The following LRBA variants were observed in gnomAD, a reference collection of about 807,000 sequenced individuals.
LRBA encodes LPS responsive beige-like anchor protein, also known as lipopolysaccharide-responsive and beige-like anchor protein.
In LRBA, 176 loss-of-function variants were observed where a neutral mutation model predicts 330.0. That is an observed-to-expected ratio of 0.53 (90% CI 0.47 to 0.60). The LOEUF is 0.60. LRBA is among the 20% of genes least tolerant of loss of function. LRBA has a pLI of 0.00. For missense variants in LRBA, 3,259 were observed against 3,444.8 expected, an observed-to-expected ratio of 0.95 and a Z score of 1.35; for synonymous variants, 1,230 against 1,193.0, an observed-to-expected ratio of 1.03 and a Z score of -0.64.
At chr4:150,700,666 G>GT (rs1259371734) in intron 36 of LRBA, among the ~76,000 whole-genome samples, 2 of 151,566 alleles carry the variant, frequency 1.3e-5, no homozygotes, top group Non-Finnish European at 2.9e-5. Context: ...TTTTAAAATT[G>GT]TTTAACTCTT....
At chr4:150,301,468 C>T (rs759420944) in intron 53 of LRBA, among the ~76,000 whole-genome samples, 5 of 151,918 alleles carry the variant, frequency 3.3e-5, no homozygotes, top group South Asian at 4.2e-4. Context: ...ATCTATTAGA[C>T]GTTCATTGAA....
chr4:150,382,281 T>A (rs373583134), intron 47 of LRBA, among the ~76,000 whole-genome samples: 2 of 152,114 alleles, frequency 1.3e-5, no homozygotes, highest in East Asian at 3.9e-4. Context: ...AGCCTTGCAG[T>A]CTTGTTTTGT....
At chr4:150,435,211 C>T (rs1032460649) in intron 46 of LRBA, among the ~76,000 whole-genome samples, 12 of 152,036 alleles carry the variant, frequency 7.9e-5, no homozygotes, top group African/African-American at 2.2e-4. Flanking sequence ...ACTAGCCAGG[C>T]GTTGTGGCAG....
chr4:150,553,016 C>T (rs1466842700), intron 40 of LRBA, among the ~76,000 whole-genome samples: 1 of 151,360 alleles, frequency 6.6e-6, no homozygotes, highest in South Asian at 2.1e-4. Flanking sequence ...TTGCAGTGAG[C>T]CGAGATCATG....
At chr4:150,490,417 C>T (rs573759003) in intron 41 of LRBA, among the ~76,000 whole-genome samples, 27 of 151,912 alleles carry the variant, frequency 1.8e-4, no homozygotes, top group African/African-American at 6.0e-4. Flanking sequence ...CGTAAAACTG[C>T]AAATTAAATT....
intron 34 of LRBA, among the ~76,000 whole-genome samples, chr4:150,767,002 A>C (rs1165850088): frequency 6.6e-6 from 1 of 152,142 alleles, no homozygotes; most frequent in Non-Finnish European, 1.5e-5. Flanking sequence ...CACACAACAA[A>C]AACAGTGAAG....
rs550610523 is a variant in LRBA, at chr4:150,459,257, C to CT, written c.6780+8415dup. Among the ~76,000 whole-genome samples, 56 of 151,958 alleles carry CT rather than the reference C, an allele frequency of 3.7e-4. No homozygotes were observed. The East Asian group carries it at 0.01, about 27-fold the overall frequency. On this transcript the variant is annotated intron_variant, in intron 44 of 56. Transcript: ENST00000651943. ...TTTCCATCCTTTACCTTAAACCCTC[C>CT]TTCTGGTGTGCTTGGTGTTCTCATA...
chr4:150,272,778 C>A (rs372248751), intron 56 of LRBA, among the ~76,000 whole-genome samples: 20 of 151,820 alleles, frequency 1.3e-4, no homozygotes, highest in African/African-American at 4.4e-4. Flanking sequence ...TGAAAAGGAA[C>A]AAACAAAGCC....
chr4:150,979,310 A>T (rs1460591276), intron 2 of LRBA, among the ~76,000 whole-genome samples: 2 of 152,204 alleles, frequency 1.3e-5, no homozygotes, highest in African/African-American at 2.4e-5. Flanking sequence ...TTCAAACATG[A>T]AGAAGAAATT....
chr4:150,402,125 C>G (rs1017796454), intron 47 of LRBA, among the ~76,000 whole-genome samples: 1 of 120,932 alleles, frequency 8.3e-6, no homozygotes, highest in African/African-American at 3.4e-5. Flanking sequence ...GCCATCTCTA[C>G]TAAAAAAAAA....
In LRBA at chr4:150,928,406, T is replaced by C. The variant is rs1734106993; in HGVS notation, c.549+110A>G. The C allele has an allele frequency of 2.2e-5, 15 of 674,036 alleles. No individual in the cohort carries two copies. In the South Asian group the frequency reaches 3.1e-4, roughly 14 times the overall value. The allele number at this position is 674,036 out of a possible 1,614,324, so 41.8% of individuals were successfully genotyped here. A position where few individuals can be genotyped will look rare whatever the true frequency, so the allele number is the denominator to read the frequency against. On this transcript the variant is annotated intron_variant, in intron 4 of 56. Transcript: ENST00000651943. ...TCTCAATGCTATTTTAATTAATCTATTCAATTTGACAATTATCCCATGTAT... is the reference window on the plus strand; with the variant it reads ...TCTCAATGCTATTTTAATTAATCTACTCAATTTGACAATTATCCCATGTAT...
chr4:150,683,686 C>G lies in LRBA; in HGVS notation c.5786G>C (p.Arg1929Pro), dbSNP rs747575946. 2.5e-6 allele frequency: 4 copies of G among 1,612,886 alleles called. No individual in the cohort carries two copies. Among genetic ancestry groups the G allele is most frequent in the Non-Finnish European group, 3.4e-6 (4 of 1,179,410 alleles). ...SLCAQYSADK[R>P]EDEKMCDHLI... is the part of the protein sequence containing the mutation. ...ATGATCACACATCTTCTCATCTTCT[C>G]GTTTGTCTGCAGAATACTGGGCACA... The change falls in exon 37 of 57, where the codon CGA becomes CCA. Residue 1929 changes from arginine (R) to proline (P), a missense_variant. Arg to Pro is a moderately radical substitution (Grantham distance 103). Transcript: ENST00000651943.
intron 30 of LRBA, among the ~76,000 whole-genome samples, 177 bp downstream of exon 30, chr4:150,828,003 A>T (rs542551068): frequency 5.9e-5 from 9 of 152,282 alleles, no homozygotes; most frequent in Non-Finnish European, 1.0e-4. Context: ...GTGTGAATCA[A>T]CTGTTTATGT....
At chr4:150,929,133 A>G (rs1734194896) in intron 2 of LRBA, 68 bp from the exon 3 acceptor site, 5 of 947,250 alleles carry the variant, frequency 5.3e-6, no homozygotes, top group African/African-American at 3.3e-5. Context: ...GCATGTTCCT[A>G]AACATTAGAT....
At chr4:151,000,290 T>C (rs1743188035) in intron 2 of LRBA, among the ~76,000 whole-genome samples, 1 of 152,190 alleles carries the variant, frequency 6.6e-6, no homozygotes, top group African/African-American at 2.4e-5. Context: ...GTGCATCAAG[T>C]CAAGGAGCAT....
At chr4:150,355,996 T>C (rs1463959) in intron 47 of LRBA, among the ~76,000 whole-genome samples, 147,038 of 152,166 alleles carry the variant, frequency 0.97, 71,136 homozygotes, top group Non-Finnish European at 0.99. Context: ...TTTGCATGTG[T>C]TGGATTTCAA....
intron 50 of LRBA, among the ~76,000 whole-genome samples, chr4:150,319,541 G>A (rs556520774): frequency 6.6e-6 from 1 of 152,052 alleles, no homozygotes; most frequent in Non-Finnish European, 1.5e-5. Flanking sequence ...ATATAAGTAT[G>A]TTATTTTCAT....
chr4:150,790,494 T>C (rs530038649), intron 34 of LRBA, among the ~76,000 whole-genome samples: 1 of 152,366 alleles, frequency 6.6e-6, no homozygotes, highest in Admixed American at 6.5e-5. Context: ...ATTTATTTTG[T>C]ATTAATGTTT....
At chr4:150,997,050 T>G (rs1384829200) in intron 2 of LRBA, among the ~76,000 whole-genome samples, 1 of 152,210 alleles carries the variant, frequency 6.6e-6, no homozygotes, top group Non-Finnish European at 1.5e-5. Flanking sequence ...TTTATTTTTA[T>G]TTTATTTTAA....
Sources: gnomAD v4.1 joint callset for allele counts (sites outside exome capture counted in the v4.1 genomes callset) on GRCh38, gnomAD v4.1.1 for gene constraint, MANE v1.5 for transcripts, NCBI Gene and HGNC (gene_info 2026-07-23, HGNC 2026-07-21) for gene names.